Variants in ATPAF1 observed in about 807,000 individuals in gnomAD.
The protein encoded by ATPAF1 is ATP synthase mitochondrial F1 complex assembly factor 1.
ATPAF1 carries 26 observed loss-of-function variants against 43.9 expected under a neutral mutation model. That is an observed-to-expected ratio of 0.59 (90% CI 0.43 to 0.82). ATPAF1 has a LOEUF of 0.82. ATPAF1 is among the 40% of genes least tolerant of loss of function. The probability of loss-of-function intolerance (pLI) is 0.00; values close to 1 mark genes in which losing one functional copy is unlikely to be tolerated. For missense variants in ATPAF1, 366 were observed against 435.0 expected, an observed-to-expected ratio of 0.84 and a Z score of 1.41; for synonymous variants, 157 against 168.0, an observed-to-expected ratio of 0.93 and a Z score of 0.50.
rs1284834969 is a variant in ATPAF1 at position 46,666,893 on chromosome 1, T to C, written c.266+1164A>G. ...TTGTTCATGAGTGGGTAAGAATAAA[T>C]GGATGCTGATAAAGTATTCAAAGTA... On this transcript the variant is annotated intron_variant, in intron 1 of 8. Coordinates refer to ENST00000574428, the Ensembl canonical transcript of ATPAF1. 2.0e-5 allele frequency among the ~76,000 whole-genome samples: 3 copies of C among 152,238 alleles called. No homozygotes were observed. The East Asian group carries it at 5.8e-4, about 29-fold the overall frequency.
At chr1:46,649,622 G>A (rs573593553) in intron 6 of ATPAF1, among the ~76,000 whole-genome samples, 1 of 152,170 alleles carries the variant, frequency 6.6e-6, no homozygotes, top group South Asian at 2.1e-4. Flanking sequence ...GGAGAGAACT[G>A]ATACCTTAAC....
chr1:46,658,051 C>G, intron 4 of ATPAF1, 76 bp downstream of exon 4: 2 of 1,389,918 alleles, frequency 1.4e-6, no homozygotes, highest in Non-Finnish European at 2.0e-6. Context: ...AAAGAGGTGT[C>G]AGAAAATGTA....
chr1:46,643,352 C>T lies in ATPAF1; in HGVS notation c.685-51G>A, dbSNP rs187654168. On this transcript the variant is annotated intron_variant, in intron 7 of 8. Coordinates refer to ENST00000574428, the Ensembl canonical transcript of ATPAF1. ...CTCAATAAGGTACCATCACAACAAA[C>T]TGCAATTTCAAAGCAATAGACAGTC... is the stretch of plus-strand genomic sequence containing the variant. 61 of 1,422,838 alleles carry T rather than the reference C, an allele frequency of 4.3e-5. No homozygotes were observed. In the East Asian group the frequency reaches 1.3e-3, roughly 31 times the overall value. The allele number at this position is 1,422,838 out of a possible 1,614,324, so 88.1% of individuals were successfully genotyped here.
intron 6 of ATPAF1, among the ~76,000 whole-genome samples, chr1:46,649,322 T>C (rs1019347663): frequency 6.6e-6 from 1 of 152,166 alleles, no homozygotes; most frequent in African/African-American, 2.4e-5. Context: ...TAGACACCTT[T>C]GTTGAAAAAC....
chr1:46,660,972 C>CT (rs1406579308), intron 2 of ATPAF1, among the ~76,000 whole-genome samples: 3 of 151,572 alleles, frequency 2.0e-5, no homozygotes, highest in Non-Finnish European at 4.4e-5. Flanking sequence ...TTAAACACTG[C>CT]TTTAATACTA....
chr1:46,665,170 A>G, intron 2 of ATPAF1, 86 bp downstream of exon 2: 3 of 1,361,002 alleles, frequency 2.2e-6, no homozygotes, highest in South Asian at 2.4e-5. Flanking sequence ...TGACCCATCA[A>G]TAAACCAACT....
chr1:46,637,318 T>C (rs969652708), intron 8 of ATPAF1, among the ~76,000 whole-genome samples: 71 of 152,120 alleles, frequency 4.7e-4, no homozygotes, highest in African/African-American at 1.6e-3. Context: ...AGTTTGAGGC[T>C]GCACTGAGCT....
In ATPAF1 at chr1:46,653,724, T is replaced by C. The variant is rs1676211684; in HGVS notation, c.540+93A>G. On this transcript the variant is annotated intron_variant, in intron 5 of 8. Transcript: ENST00000574428. This position sits in a 1 kb window ranked among gnomAD's most constrained non-coding sequence, Gnocchi z 4.8. Reference sequence around the variant, plus strand: ...TAAAATGCAGCTTCTCAAGAGGCAATAAACATAGGAAAAGTAAAGGCAACT... The same window carrying C: ...TAAAATGCAGCTTCTCAAGAGGCAACAAACATAGGAAAAGTAAAGGCAACT... 4.0e-6 allele frequency: 5 copies of C among 1,239,028 alleles called. No homozygotes were observed. Among genetic ancestry groups the C allele is most frequent in the East Asian group, 4.9e-5 (2 of 40,910 alleles). 76.8% of individuals were successfully genotyped at this position (1,239,028 alleles called of 1,614,324 possible).
In ATPAF1 at chr1:46,645,501, C is replaced by T. The variant is rs577244690; in HGVS notation, c.589-245G>A. Among the ~76,000 whole-genome samples, 324 of 151,718 alleles carry T rather than the reference C, an allele frequency of 2.1e-3. 1 individual carries two copies. Among genetic ancestry groups the T allele is most frequent in the African/African-American group, 7.6e-3 (313 of 41,386 alleles). ...TCAGCCTCCCAAGTAGCTGGAACTG[C>T]AGGTGTGCACCACTAAGCCTGGCTA... On this transcript the variant is annotated intron_variant, in intron 6 of 8. Transcript: ENST00000574428.
rs934679135 is a variant in ATPAF1 at position 46,665,252 on chromosome 1, T to C, written c.375+4A>G. ...CAAACACCACAAATGGGGGAAGGTC[T>C]TACCTTCTGTTCCACACATTTGATA... On this transcript the variant is annotated splice_donor_region_variant and intron_variant, in intron 2 of 8. Coordinates refer to ENST00000574428, the Ensembl canonical transcript of ATPAF1. 6.2e-7 allele frequency: 1 copy of C among 1,613,132 alleles called. No individual in the cohort carries two copies. The highest frequency in any genetic ancestry group is 1.3e-5 in the African/African-American group (1 of 75,044).
Position 46,668,221 on chromosome 1 carries a change from C to A in ATPAF1, c.102G>T (p.Leu34=). 7.3e-7 allele frequency: 1 copy of A among 1,370,980 alleles called. No individual in the cohort carries two copies. Among genetic ancestry groups the A allele is most frequent in the Non-Finnish European group, 9.4e-7 (1 of 1,061,616 alleles). The allele number at this position is 1,370,980 out of a possible 1,614,324, so 84.9% of individuals were successfully genotyped here. A position where few individuals can be genotyped will look rare whatever the true frequency, so the allele number is the denominator to read the frequency against. ...GCGCGGGTGACACGAGCCCCAGGCC[C>A]AGGGCGCGGCTGCGCACCGCGCACA... Residue 34 remains leucine, a synonymous_variant, in exon 1 of 9, where the codon CTG becomes CTT. Transcript: ENST00000574428. This position sits in a 1 kb window ranked among gnomAD's most constrained non-coding sequence, Gnocchi z 4.4.
chr1:46,651,128 T>G (rs1676159368), intron 6 of ATPAF1, among the ~76,000 whole-genome samples: 1 of 152,104 alleles, frequency 6.6e-6, no homozygotes, highest in South Asian at 2.1e-4. Context: ...TAGGTATATC[T>G]CCCAGTGCTA....
intron 2 of ATPAF1, 69 bp downstream of exon 2, chr1:46,665,187 A>ATAAGGG: frequency 6.7e-7 from 1 of 1,495,704 alleles, no homozygotes; most frequent in African/African-American, 1.4e-5. Context: ...AACTTTAAGG[A>ATAAGGG]TAAGGGTGAG....
chr1:46,641,020 C>A (rs1230114043), intron 8 of ATPAF1, among the ~76,000 whole-genome samples: 1 of 152,132 alleles, frequency 6.6e-6, no homozygotes, highest in Non-Finnish European at 1.5e-5. Context: ...ATATCACTTC[C>A]CGCTTTCTCC....
intron 3 of ATPAF1, 125 bp from the exon 4 acceptor site, chr1:46,658,314 A>G (rs950130531): frequency 1.2e-6 from 1 of 802,136 alleles, no homozygotes; most frequent in Non-Finnish European, 2.0e-6. Context: ...AGTAGAAAAC[A>G]AGTATAAGAA....
At position 46,652,674 on chromosome 1, in the gene ATPAF1, C is replaced by G. The variant is rs771214515; in HGVS notation, c.541-46G>C. The G allele has an allele frequency of 3.3e-6, 5 of 1,501,378 alleles. No individual in the cohort carries two copies. In the South Asian group the frequency reaches 4.6e-5, roughly 14 times the overall value. 93.0% of individuals were successfully genotyped at this position (1,501,378 alleles called of 1,614,324 possible). On this transcript the variant is annotated intron_variant, in intron 5 of 8. Coordinates refer to ENST00000574428, the Ensembl canonical transcript of ATPAF1. ...AAGTTAACCTACACATAGTAAAACA[C>G]AAAAGGCCACTATCACATGTAATTC...
At position 46,668,337 on chromosome 1, in the gene ATPAF1, CCT is replaced by C; in HGVS notation, c.-17_-16del. ...ACAGCAGCCATGGCCGCCCCCGCCT[CCT>C]CCTCCTCCTCAGGCGCGTCGGCCTC... On this transcript the variant is annotated 5_prime_UTR_variant, in exon 1 of 9. Coordinates refer to ENST00000574428, the Ensembl canonical transcript of ATPAF1. This position sits in a 1 kb window ranked among gnomAD's most constrained non-coding sequence, Gnocchi z 4.4. The C allele has an allele frequency of 7.4e-7, 1 of 1,349,208 alleles. No individual in the cohort carries two copies. Among genetic ancestry groups the C allele is most frequent in the Non-Finnish European group, 9.6e-7 (1 of 1,046,320 alleles). 83.6% of individuals were successfully genotyped at this position (1,349,208 alleles called of 1,614,324 possible).
At chr1:46,645,949 A>AG (rs1676035807) in intron 6 of ATPAF1, among the ~76,000 whole-genome samples, 2 of 152,164 alleles carry the variant, frequency 1.3e-5, no homozygotes, top group South Asian at 4.1e-4. Context: ...CCAAGGTCGG[A>AG]GGATCACTTG....
In ATPAF1 at chr1:46,653,909, C is replaced by G. The variant is rs72679900; in HGVS notation, c.490-42G>C. 4.3e-5 allele frequency: 67 copies of G among 1,573,416 alleles called. No individual in the cohort carries two copies. Among genetic ancestry groups the G allele is most frequent in the Non-Finnish European group, 5.7e-5 (66 of 1,147,988 alleles). On this transcript the variant is annotated intron_variant, in intron 4 of 8. Transcript: ENST00000574428. The surrounding 1 kb of genome is among the most constrained non-coding windows in gnomAD (Gnocchi z 4.8). ...GGGGTGTCTGTGACATGTGGGTAAT[C>G]TTTTCAACATGTGCCAAGAAATGGT...
Sources: allele counts gnomAD v4.1 joint callset (sites outside exome capture counted in the v4.1 genomes callset), GRCh38; gene constraint gnomAD v4.1.1; non-coding constraint Gnocchi (gnomAD v3.1); transcripts MANE v1.5; gene names NCBI Gene and HGNC (gene_info 2026-07-23, HGNC 2026-07-21).